Variants in SHANK2 observed in about 807,000 individuals in gnomAD.
SHANK2 encodes the protein SH3 and multiple ankyrin repeat domains protein 2.
A neutral mutation model predicts 133.7 loss-of-function variants in SHANK2; 43 were observed. That is an observed-to-expected ratio of 0.32 (90% confidence interval 0.25 to 0.41). SHANK2 has a LOEUF of 0.41. SHANK2 is among the 10% of genes least tolerant of loss of function. SHANK2 has a pLI of 1.00. For missense variants in SHANK2, 1,994 were observed against 2,235.8 expected, an observed-to-expected ratio of 0.89 and a Z score of 2.18; for synonymous variants, 1,017 against 952.8, an observed-to-expected ratio of 1.07 and a Z score of -1.24.
intron 17 of SHANK2, among the ~76,000 whole-genome samples, chr11:70,620,250 AG>A (rs1290678584): frequency 6.6e-6 from 1 of 152,108 alleles, no homozygotes; most frequent in East Asian, 1.9e-4. Context: ...TGAGATGGGG[AG>A]AGGCCTCTGC....
rs1555151026 is a variant in SHANK2, at chr11:70,479,708, A to T, written c.4979+5606T>A. On this transcript the variant is annotated intron_variant, in intron 25 of 25. Transcript: ENST00000601538. This position sits in a 1 kb window ranked among gnomAD's most constrained non-coding sequence, Gnocchi z 4.4. Reference sequence around the variant, plus strand: ...ACACTCACTGCTCTGTTGCCCCCACATACAGAGCAAATGTGAAGCTGACCT... The same window carrying T: ...ACACTCACTGCTCTGTTGCCCCCACTTACAGAGCAAATGTGAAGCTGACCT... 6.6e-6 allele frequency among the ~76,000 whole-genome samples: 1 copy of T among 152,252 alleles called. No individual in the cohort carries two copies. The highest frequency in any genetic ancestry group is 1.5e-5 in the Non-Finnish European group (1 of 68,034).
At chr11:70,629,886 T>C (rs2060959213) in intron 17 of SHANK2, among the ~76,000 whole-genome samples, 1 of 152,180 alleles carries the variant, frequency 6.6e-6, no homozygotes, top group Admixed American at 6.5e-5. Flanking sequence ...TTCCTCACTA[T>C]GAGGACCCTA....
chr11:70,904,700 G>A (rs1950074643), intron 10 of SHANK2, among the ~76,000 whole-genome samples: 1 of 152,062 alleles, frequency 6.6e-6, no homozygotes, highest in Admixed American at 6.5e-5. Flanking sequence ...TAGAGATGGG[G>A]TTTCACCATG....
At chr11:70,779,613 C>A (rs1947438268) in intron 14 of SHANK2, among the ~76,000 whole-genome samples, 1 of 152,162 alleles carries the variant, frequency 6.6e-6, no homozygotes, top group African/African-American at 2.4e-5. Flanking sequence ...CCAACCAGAG[C>A]CGCCCAGAGA....
chr11:70,853,064 G>C (rs1366562729), intron 11 of SHANK2, among the ~76,000 whole-genome samples: 1 of 152,256 alleles, frequency 6.6e-6, no homozygotes, highest in Non-Finnish European at 1.5e-5. Context: ...AGGCCATCTG[G>C]GGTGCCCCCT....
intron 14 of SHANK2, among the ~76,000 whole-genome samples, chr11:70,728,277 G>C (rs1424496153): frequency 6.6e-6 from 1 of 152,214 alleles, no homozygotes; most frequent in African/African-American, 2.4e-5. Flanking sequence ...ATGGGTCCTT[G>C]TGGGATCCAA....
In SHANK2 at chr11:71,178,133, T is replaced by C. The variant is rs550364765; in HGVS notation, c.-12-30795A>G. 3.3e-5 allele frequency among the ~76,000 whole-genome samples: 5 copies of C among 152,324 alleles called. No individual in the cohort carries two copies. In the South Asian group the frequency reaches 1.0e-3, roughly 32 times the overall value. On this transcript the variant is annotated intron_variant, in intron 2 of 25. Coordinates refer to ENST00000601538, the MANE Select transcript of SHANK2 (RefSeq NM_012309.5). Reference sequence around the variant, plus strand: ...TAAACAGAGCTTTGTACATGAATGTTCACAGCAACAGTATTCACAAGCACC... The same window carrying C: ...TAAACAGAGCTTTGTACATGAATGTCCACAGCAACAGTATTCACAAGCACC...
intron 14 of SHANK2, among the ~76,000 whole-genome samples, chr11:70,702,268 C>A (rs1591764200): frequency 6.6e-6 from 1 of 150,608 alleles, no homozygotes; most frequent in Admixed American, 6.6e-5. Flanking sequence ...AACATCATCA[C>A]CACCATCATC....
In SHANK2 at chr11:70,874,396, G is replaced by GCACT. The variant is rs1339878228; in HGVS notation, c.1174+22101_1174+22104dup. On this transcript the variant is annotated intron_variant, in intron 11 of 25. Coordinates refer to ENST00000601538, the MANE Select transcript of SHANK2 (RefSeq NM_012309.5). ...GGGTCTCTGTTACACACACTGGAGT[G>GCACT]CACTGGCCCAGCCGTAGCTCACTGT... 7.2e-5 allele frequency among the ~76,000 whole-genome samples: 11 copies of GCACT among 152,060 alleles called. No homozygotes were observed. In the East Asian group the frequency reaches 2.1e-3, roughly 29 times the overall value.
chr11:70,485,341 C>T lies in SHANK2; in HGVS notation c.4952G>A (p.Gly1651Glu), dbSNP rs371117205. The T allele has an allele frequency of 3.1e-6, 5 of 1,613,828 alleles. No homozygotes were observed. In the African/African-American group the frequency reaches 5.3e-5, roughly 17 times the overall value. ...KPGEGLDSPM[G>E]AKSASLAPRS... is the part of the protein sequence containing the mutation. Reference sequence around the variant, plus strand: ...TGGAGCGAGGCTGGCGGACTTGGCTCCCATTGGTGAATCCAGTCCTTCCCC... The same window carrying T: ...TGGAGCGAGGCTGGCGGACTTGGCTTCCATTGGTGAATCCAGTCCTTCCCC... The change falls in exon 25 of 26, where the codon GGA becomes GAA. Residue 1651 changes from glycine (G) to glutamate (E), a missense_variant. Transcript: ENST00000601538. This position sits in a 1 kb window ranked among gnomAD's most constrained non-coding sequence, Gnocchi z 5.8.
At chr11:71,226,563 A>G (rs1307351971) in intron 1 of SHANK2, 2 of 152,246 alleles carry the variant, frequency 1.3e-5, no homozygotes, top group African/African-American at 4.8e-5. Context: ...ACCAATACTT[A>G]CATTTCTCAT....
At chr11:70,595,622 T>A (rs978526536) in intron 17 of SHANK2, among the ~76,000 whole-genome samples, 1 of 152,116 alleles carries the variant, frequency 6.6e-6, no homozygotes, top group Non-Finnish European at 1.5e-5. Flanking sequence ...ACGGCTCAGG[T>A]TCCCCTGGAC....
chr11:70,532,279 T>C (rs1554973373), intron 17 of SHANK2, among the ~76,000 whole-genome samples: 1 of 152,138 alleles, frequency 6.6e-6, no homozygotes, highest in Non-Finnish European at 1.5e-5. Context: ...AGGACTGCCC[T>C]GGACAACTGT....
At chr11:71,217,900 G>C (rs1428943410) in intron 2 of SHANK2, among the ~76,000 whole-genome samples, 3 of 152,174 alleles carry the variant, frequency 2.0e-5, no homozygotes, top group Admixed American at 6.5e-5. Flanking sequence ...GCCCAGGCTG[G>C]AGTGCAGTGG....
intron 17 of SHANK2, among the ~76,000 whole-genome samples, chr11:70,552,657 G>A (rs1445810710): frequency 1.1e-4 from 16 of 152,172 alleles, no homozygotes; most frequent in African/African-American, 2.9e-4. Context: ...GTCGCTGGGC[G>A]TCATTAAACC....
At chr11:70,758,214 G>A (rs377748727) in intron 14 of SHANK2, among the ~76,000 whole-genome samples, 7 of 152,198 alleles carry the variant, frequency 4.6e-5, no homozygotes, top group Non-Finnish European at 1.0e-4. Flanking sequence ...CATTCCAGCC[G>A]GCAATGGCTA....
intron 14 of SHANK2, among the ~76,000 whole-genome samples, chr11:70,701,911 AC>A (rs1945529826): frequency 6.6e-6 from 1 of 150,946 alleles, no homozygotes; most frequent in African/African-American, 2.4e-5. Context: ...CTCCATCATC[AC>A]CACCATCATC....
chr11:71,123,341 C>A (rs1402916045), intron 3 of SHANK2, among the ~76,000 whole-genome samples: 1 of 152,198 alleles, frequency 6.6e-6, no homozygotes, highest in Non-Finnish European at 1.5e-5. Context: ...AACTGTCACA[C>A]AATATGGAAA....
rs564226716 is a variant in SHANK2 at position 70,767,934 on chromosome 11, A to G, written c.1777+30509T>C. ...CTTTCCCTCTGCTTCTTGCACTCAG[A>G]TTACCACCAGGGGTCCTCTGGGTCT... On this transcript the variant is annotated intron_variant, in intron 14 of 25. Transcript: ENST00000601538. Among the ~76,000 whole-genome samples, 10 of 152,238 alleles carry G rather than the reference A, an allele frequency of 6.6e-5. No homozygotes were observed. The East Asian group carries it at 1.9e-3, about 29-fold the overall frequency.
Sources: allele counts gnomAD v4.1 joint callset (sites outside exome capture counted in the v4.1 genomes callset), GRCh38; gene constraint gnomAD v4.1.1; non-coding constraint Gnocchi (gnomAD v3.1); transcripts MANE v1.5; gene names NCBI Gene and HGNC (gene_info 2026-07-23, HGNC 2026-07-21).